DIP2B: variants seen among roughly 807,000 people sequenced by gnomAD.
DIP2B encodes DIP2 acetate--CoA ligase B (putative).
In DIP2B, 76 loss-of-function variants were observed where a neutral mutation model predicts 198.0. The observed-to-expected ratio is 0.38, with a 90% confidence interval of 0.32 to 0.46. The LOEUF is 0.46. Ranked by LOEUF, DIP2B falls within the 20% of genes least tolerant of loss-of-function variation. The pLI is 0.99. For missense variants in DIP2B, 1,559 were observed against 1,978.4 expected, an observed-to-expected ratio of 0.79 and a Z score of 4.02; for synonymous variants, 701 against 739.1, an observed-to-expected ratio of 0.95 and a Z score of 0.84.
intron 1 of DIP2B, among the ~76,000 whole-genome samples, chr12:50,560,817 C>G (rs754132769): frequency 2.6e-5 from 4 of 152,156 alleles, no homozygotes; most frequent in Non-Finnish European, 4.4e-5. Context: ...AATGATCTTT[C>G]TCAATTTACA....
intron 1 of DIP2B, among the ~76,000 whole-genome samples, chr12:50,524,757 A>AT (rs916256532): frequency 4.0e-5 from 6 of 151,806 alleles, no homozygotes; most frequent in African/African-American, 1.5e-4. Flanking sequence ...ATTTATTGTT[A>AT]TTTTTTTTGA....
At chr12:50,678,905 C>T in intron 8 of DIP2B, 29 bp downstream of exon 8, 3 of 1,612,560 alleles carry the variant, frequency 1.9e-6, no homozygotes, top group Non-Finnish European at 2.5e-6. Context: ...AGATCCTTCT[C>T]TCCTGAGAGT....
intron 1 of DIP2B, among the ~76,000 whole-genome samples, chr12:50,518,765 GTTTTTTT>G (rs1958089155): frequency 1.3e-5 from 2 of 151,260 alleles, no homozygotes; most frequent in Admixed American, 1.3e-4. Context: ...GTTTTTGTTT[GTTTTTTT>G]GAGACAAGGT....
chr12:50,534,865 T>G (rs1319150410), intron 1 of DIP2B, among the ~76,000 whole-genome samples: 1 of 152,220 alleles, frequency 6.6e-6, no homozygotes, highest in East Asian at 1.9e-4. Context: ...TTCCTAGCTC[T>G]TAGTTCCTGA....
chr12:50,674,451 TA>T, intron 5 of DIP2B, 22 bp from the exon 6 acceptor site: 2 of 1,614,004 alleles, frequency 1.2e-6, no homozygotes, highest in Non-Finnish European at 1.7e-6. Flanking sequence ...AATATAATTC[TA>T]AACTTTGTTT....
intron 12 of DIP2B, among the ~76,000 whole-genome samples, chr12:50,687,390 C>A (rs993445251): frequency 6.6e-6 from 1 of 152,214 alleles, no homozygotes; most frequent in Non-Finnish European, 1.5e-5. Context: ...CTGTGGCCTT[C>A]ACCACTCTGC....
chr12:50,700,842 AT>A (rs1939404657), intron 19 of DIP2B, among the ~76,000 whole-genome samples: 4 of 152,156 alleles, frequency 2.6e-5, no homozygotes, highest in Non-Finnish European at 5.9e-5. Flanking sequence ...CCTTGAGTGT[AT>A]ATACATTTAA....
chr12:50,709,527 A>T (rs1321477454), intron 22 of DIP2B, among the ~76,000 whole-genome samples: 3 of 151,824 alleles, frequency 2.0e-5, no homozygotes, highest in Non-Finnish European at 4.4e-5. Context: ...AGTCCCAGCT[A>T]CTCGGGAGGC....
chr12:50,691,645 CAAGTT>C (rs1939224028), intron 13 of DIP2B, among the ~76,000 whole-genome samples: 3 of 152,060 alleles, frequency 2.0e-5, no homozygotes. Flanking sequence ...TAAAATGAAA[CAAGTT>C]AATAAATGGT....
intron 28 of DIP2B, 85 bp downstream of exon 28, chr12:50,724,971 T>C (rs1939904797): frequency 2.9e-6 from 4 of 1,366,484 alleles, no homozygotes; most frequent in Non-Finnish European, 4.1e-6. Flanking sequence ...CAGACGTGTT[T>C]ACCCTGCCTT....
intron 21 of DIP2B, among the ~76,000 whole-genome samples, chr12:50,707,808 AC>A (rs1939541345): frequency 1.3e-5 from 2 of 152,006 alleles, no homozygotes; most frequent in South Asian, 4.2e-4. Flanking sequence ...CTCCCTCAGA[AC>A]CAACTTCATC....
At chr12:50,711,388 C>G (rs972733942) in intron 22 of DIP2B, among the ~76,000 whole-genome samples, 1 of 152,144 alleles carries the variant, frequency 6.6e-6, no homozygotes, top group Non-Finnish European at 1.5e-5. Context: ...ATGAGGAATT[C>G]AGGCTACATG....
At chr12:50,551,099 AAAAG>A (rs1038934329) in intron 1 of DIP2B, among the ~76,000 whole-genome samples, 6 of 151,528 alleles carry the variant, frequency 4.0e-5, no homozygotes, top group Middle Eastern at 3.4e-3. Flanking sequence ...TTTAAGAAAA[AAAAG>A]AAAGAAAGAA....
At chr12:50,679,866 C>T (rs1247055027) in intron 8 of DIP2B, 1 of 152,132 alleles carries the variant, frequency 6.6e-6, no homozygotes, top group Non-Finnish European at 1.5e-5. Context: ...TCATTTGAGT[C>T]ATGTTTTTGC....
chr12:50,699,998 A>G (rs1210047136), intron 19 of DIP2B, among the ~76,000 whole-genome samples: 7 of 152,192 alleles, frequency 4.6e-5, no homozygotes, highest in South Asian at 2.1e-4. Flanking sequence ...GTAAACTCCA[A>G]TTATGCTCAG....
At chr12:50,721,555 C>T (rs1939836054) in intron 26 of DIP2B, among the ~76,000 whole-genome samples, 159 bp downstream of exon 26, 1 of 152,186 alleles carries the variant, frequency 6.6e-6, no homozygotes, top group South Asian at 2.1e-4. Flanking sequence ...GGAACCAATC[C>T]TCACCCCCCA....
intron 21 of DIP2B, 48 bp from the exon 22 acceptor site, chr12:50,708,400 G>A (rs1389403465): frequency 9.9e-6 from 15 of 1,515,130 alleles, no homozygotes; most frequent in Non-Finnish European, 1.3e-5. Flanking sequence ...AAAACAAATA[G>A]GACTGGTTGT....
chr12:50,651,268 A>G (rs1026616275), intron 3 of DIP2B, among the ~76,000 whole-genome samples: 2 of 152,092 alleles, frequency 1.3e-5, no homozygotes, highest in African/African-American at 2.4e-5. Context: ...ATTTTCTCCA[A>G]TTTTGCAGGT....
chr12:50,675,578 C>T lies in DIP2B; in HGVS notation c.916+130C>T, dbSNP rs1938932192. On this transcript the variant is annotated intron_variant, in intron 7 of 37. Coordinates refer to ENST00000301180, the MANE Select transcript of DIP2B (RefSeq NM_173602.3). ...CTTGGTTCAAAGAGTTCATCATTTTCTGCTCTTTTTTCCCTAATGATTATC... is the reference window on the plus strand; with the variant it reads ...CTTGGTTCAAAGAGTTCATCATTTTTTGCTCTTTTTTCCCTAATGATTATC... 4 of 891,432 alleles carry T rather than the reference C, an allele frequency of 4.5e-6. No homozygotes were observed. In the South Asian group the frequency reaches 1.0e-4, roughly 23 times the overall value. The allele number at this position is 891,432 out of a possible 1,614,324, so 55.2% of individuals were successfully genotyped here.
Sources: gnomAD v4.1 joint callset for allele counts (sites outside exome capture counted in the v4.1 genomes callset) on GRCh38, gnomAD v4.1.1 for gene constraint, MANE v1.5 for transcripts, NCBI Gene and HGNC (gene_info 2026-07-23, HGNC 2026-07-21) for gene names.